Variants in PAK5 observed in about 807,000 individuals in gnomAD.
PAK5 encodes p21 (RAC1) activated kinase 5, also known as serine/threonine-protein kinase PAK 5.
Under a neutral mutation model 65.9 loss-of-function variants are expected in PAK5, and 16 were observed. The ratio of observed to expected loss-of-function variants is 0.24; its 90% CI spans 0.16 to 0.37. The LOEUF is 0.37. PAK5 is among the 10% of genes least tolerant of loss of function. The pLI is 1.00. For missense variants in PAK5, 785 were observed against 903.9 expected (o/e 0.87, Z 1.69); for synonymous variants, 371 against 354.9 (o/e 1.05, Z -0.51).
intron 1 of PAK5, among the ~76,000 whole-genome samples, chr20:9,792,087 C>G (rs2049055969): frequency 6.6e-6 from 1 of 152,124 alleles, no homozygotes; most frequent in Non-Finnish European, 1.5e-5. Flanking sequence ...AGGGGTGACT[C>G]AATGACTATT....
intron 2 of PAK5, among the ~76,000 whole-genome samples, chr20:9,653,002 A>T (rs1387970142): frequency 6.6e-6 from 1 of 152,164 alleles, no homozygotes; most frequent in East Asian, 1.9e-4. Flanking sequence ...TGAACTGCAC[A>T]CTTTTTAGAC....
At chr20:9,688,087 A>G (rs931372852) in intron 2 of PAK5, among the ~76,000 whole-genome samples, 1 of 152,044 alleles carries the variant, frequency 6.6e-6, no homozygotes, top group Non-Finnish European at 1.5e-5. Context: ...GGTGAGAGAG[A>G]GGCCAGAGCC....
At chr20:9,814,476 G>A (rs2049333040) in intron 1 of PAK5, among the ~76,000 whole-genome samples, 1 of 152,022 alleles carries the variant, frequency 6.6e-6, no homozygotes, top group South Asian at 2.1e-4. Context: ...AGAATTGCAA[G>A]ATGCACCATT....
At chr20:9,578,894 G>C (rs1269121782) in intron 4 of PAK5, among the ~76,000 whole-genome samples, 1 of 152,038 alleles carries the variant, frequency 6.6e-6, no homozygotes, top group Non-Finnish European at 1.5e-5. Context: ...GTCACTATGT[G>C]AATTTTAACT....
chr20:9,783,790 G>T (rs1264689925), intron 1 of PAK5, among the ~76,000 whole-genome samples: 1 of 152,130 alleles, frequency 6.6e-6, no homozygotes, highest in Non-Finnish European at 1.5e-5. Flanking sequence ...AGAAACAGTG[G>T]TTGTCTCATT....
intron 1 of PAK5, among the ~76,000 whole-genome samples, chr20:9,764,100 C>G (rs2048729827): frequency 2.0e-5 from 3 of 151,982 alleles, no homozygotes; most frequent in Admixed American, 6.6e-5. Flanking sequence ...CAATAATGTC[C>G]TTTATAGTTT....
intron 2 of PAK5, among the ~76,000 whole-genome samples, chr20:9,696,817 A>G (rs1220571428): frequency 2.0e-5 from 3 of 152,124 alleles, no homozygotes; most frequent in Non-Finnish European, 4.4e-5. Flanking sequence ...ATTAGAATAT[A>G]CAATCTGGGA....
intron 1 of PAK5, among the ~76,000 whole-genome samples, chr20:9,718,541 T>C (rs554263855): frequency 3.9e-5 from 6 of 152,258 alleles, no homozygotes; most frequent in African/African-American, 1.2e-4. Context: ...CTCATTAATA[T>C]TGAGTTCTAG....
intron 3 of PAK5, among the ~76,000 whole-genome samples, chr20:9,596,445 G>T (rs543733066): frequency 3.9e-4 from 60 of 152,050 alleles, no homozygotes; most frequent in Non-Finnish European, 7.4e-5. Flanking sequence ...GACCATCCTG[G>T]CTAACACAGT....
intron 1 of PAK5, among the ~76,000 whole-genome samples, chr20:9,785,906 A>T (rs1384737263): frequency 6.6e-6 from 1 of 152,112 alleles, no homozygotes; most frequent in East Asian, 1.9e-4. Context: ...GTGTCCTAGA[A>T]TAGACTGACC....
intron 1 of PAK5, among the ~76,000 whole-genome samples, chr20:9,763,827 G>A (rs999691770): frequency 1.3e-5 from 2 of 152,086 alleles, no homozygotes; most frequent in Non-Finnish European, 2.9e-5. Flanking sequence ...TTCTCTGTAT[G>A]TGTGTATATT....
intron 1 of PAK5, among the ~76,000 whole-genome samples, chr20:9,816,069 G>T (rs192454509): frequency 6.6e-6 from 1 of 152,134 alleles, no homozygotes; most frequent in Non-Finnish European, 1.5e-5. Context: ...GAACTCTGGG[G>T]TCAGTACTTC....
At chr20:9,620,118 TATGAATCAGCA>T (rs1251627226) in intron 3 of PAK5, among the ~76,000 whole-genome samples, 1 of 152,176 alleles carries the variant, frequency 6.6e-6, no homozygotes, top group East Asian at 1.9e-4. Flanking sequence ...AGGGCAGAAA[TATGAATCAGCA>T]ACACTGCCCT....
chr20:9,741,567 C>T (rs1036960320), intron 1 of PAK5, among the ~76,000 whole-genome samples: 2 of 152,106 alleles, frequency 1.3e-5, no homozygotes, highest in Non-Finnish European at 2.9e-5. Context: ...CTACTTGACC[C>T]CTTTTAGCCT....
chr20:9,827,558 C>G (rs1978361257), intron 1 of PAK5, among the ~76,000 whole-genome samples: 1 of 150,416 alleles, frequency 6.6e-6, no homozygotes. Flanking sequence ...AAAAAAAAAT[C>G]TACAAAACAT....
chr20:9,772,951 G>A (rs1002274392), intron 1 of PAK5, among the ~76,000 whole-genome samples: 1 of 152,178 alleles, frequency 6.6e-6, no homozygotes, highest in Non-Finnish European at 1.5e-5. Flanking sequence ...CTGAGGCATT[G>A]TCTCTCCTTG....
At chr20:9,668,068 A>T (rs549917767) in intron 2 of PAK5, among the ~76,000 whole-genome samples, 1 of 152,160 alleles carries the variant, frequency 6.6e-6, no homozygotes, top group Admixed American at 6.5e-5. Context: ...AACAAGAGGA[A>T]AGAACTATTT....
intron 4 of PAK5, among the ~76,000 whole-genome samples, chr20:9,576,918 G>A (rs2045894489): frequency 1.3e-5 from 2 of 152,168 alleles, no homozygotes; most frequent in Non-Finnish European, 2.9e-5. Context: ...TGTTATGCTG[G>A]GGGCTTCTCA....
At position 9,839,020 on chromosome 20, in the gene PAK5, A is replaced by T. The variant is rs1273810836; in HGVS notation, c.-420T>A. On this transcript the variant is annotated 5_prime_UTR_variant, in exon 1 of 10. Transcript: ENST00000353224. ...CCCTCGGAGGACTGTCCATGAGCGT[A>T]CGCAGCTGCTCCGGGTTTTCGTGGC... 1.3e-5 allele frequency: 2 copies of T among 150,648 alleles called. No individual in the cohort carries two copies. The allele number at this position is 150,648 out of a possible 1,614,324, so 9.3% of individuals were successfully genotyped here.
Sources: allele counts gnomAD v4.1 joint callset (sites outside exome capture counted in the v4.1 genomes callset), GRCh38; gene constraint gnomAD v4.1.1; transcripts MANE v1.5; gene names NCBI Gene and HGNC (gene_info 2026-07-23, HGNC 2026-07-21).